Variants in EML6 observed in about 807,000 individuals in gnomAD.
EML6 encodes the protein echinoderm microtubule-associated protein-like 6.
A neutral mutation model predicts 240.1 loss-of-function variants in EML6; 154 were observed. The observed-to-expected ratio is 0.64, with a 90% CI of 0.56 to 0.73. The LOEUF (loss-of-function observed/expected upper bound fraction) is 0.73. Among genes scored for constraint, EML6 ranks in the 30% least tolerant of loss-of-function variants. The probability of loss-of-function intolerance (pLI) is 0.00; values close to 1 mark genes in which losing one functional copy is unlikely to be tolerated. For missense variants in EML6, 2,964 were observed against 2,474.6 expected (o/e 1.20, Z -4.20); for synonymous variants, 1,148 against 899.0 (o/e 1.28, Z -4.95).
chr2:54,865,409 T>G (rs1029962366), intron 13 of EML6, among the ~76,000 whole-genome samples: 1 of 151,800 alleles, frequency 6.6e-6, no homozygotes, highest in Admixed American at 6.6e-5. Context: ...CCCAGGAGAT[T>G]GAGGGCTACA....
chr2:54,834,233 A>T (rs947377016), intron 7 of EML6, among the ~76,000 whole-genome samples: 12 of 152,300 alleles, frequency 7.9e-5, no homozygotes, highest in African/African-American at 2.9e-4. Flanking sequence ...TTGTAAACTG[A>T]AGTCACTCAC....
intron 34 of EML6, among the ~76,000 whole-genome samples, chr2:54,959,833 G>A (rs1053842113): frequency 6.6e-6 from 1 of 152,206 alleles, no homozygotes; most frequent in African/African-American, 2.4e-5. Flanking sequence ...CTTTGCTGTT[G>A]ATAAAACGTT....
At chr2:54,784,239 C>T (rs1449410138) in intron 2 of EML6, among the ~76,000 whole-genome samples, 4 of 152,150 alleles carry the variant, frequency 2.6e-5, no homozygotes, top group Admixed American at 6.5e-5. Context: ...AGCCACTGCA[C>T]CTGGCCTGAA....
At chr2:54,961,183 A>AGTTGTTTTTTTTTTTTTGTTTTTTT (rs760629525) in intron 35 of EML6, among the ~76,000 whole-genome samples, 1 of 7,896 alleles carries the variant, frequency 1.3e-4, no homozygotes, top group Non-Finnish European at 2.3e-4. Flanking sequence ...ATCAGGAAGT[A>AGTTGTTTTTTTTTTTTTGTTTTTTT]GTTTTTTTTT....
chr2:54,922,733 C>T (rs930911755), intron 26 of EML6, among the ~76,000 whole-genome samples: 3 of 151,926 alleles, frequency 2.0e-5, no homozygotes, highest in Non-Finnish European at 4.4e-5. Context: ...AGAAGGAAAT[C>T]CTGTCATTTG....
intron 5 of EML6, among the ~76,000 whole-genome samples, chr2:54,823,878 T>TCTCTCTCTCTCTCTCTCTCTGTCTCTCTC (rs60937620): frequency 1.0e-4 from 13 of 129,196 alleles, no homozygotes; most frequent in Non-Finnish European, 1.9e-4. Flanking sequence ...CTCTCTCTCT[T>TCTCTCTCTCTCTCTCTCTCTGTCTCTCTC]TCTGTCTCTC....
intron 32 of EML6, 82 bp from the exon 33 acceptor site, chr2:54,957,708 G>C: frequency 7.9e-7 from 1 of 1,268,194 alleles, no homozygotes; most frequent in Non-Finnish European, 1.1e-6. Context: ...GCCTGCTGGG[G>C]TGGAGACCTC....
intron 17 of EML6, 75 bp from the exon 18 acceptor site, chr2:54,890,979 C>T: frequency 1.5e-6 from 1 of 683,032 alleles, no homozygotes; most frequent in Non-Finnish European, 2.4e-6. Context: ...AAAATTAGAC[C>T]AAATGCATGC....
intron 31 of EML6, 54 bp downstream of exon 31, chr2:54,952,746 G>A (rs930864743): frequency 2.5e-6 from 3 of 1,218,928 alleles, no homozygotes; most frequent in Non-Finnish European, 3.5e-6. Flanking sequence ...ACGCTGACCT[G>A]TCAGCAATTA....
At chr2:54,869,500 T>C in intron 15 of EML6, 133 bp downstream of exon 15, 1 of 718,974 alleles carries the variant, frequency 1.4e-6, no homozygotes, top group Non-Finnish European at 2.3e-6. Context: ...TGAATGATCA[T>C]TGGATCCTTC....
At chr2:54,964,825 G>T in intron 38 of EML6, 92 bp downstream of exon 38, 1 of 1,211,868 alleles carries the variant, frequency 8.3e-7, no homozygotes, top group Non-Finnish European at 1.2e-6. Flanking sequence ...CTGTGTACCA[G>T]GCAATGTGCT....
At chr2:54,969,998 A>G in intron 41 of EML6, 73 bp from the exon 42 acceptor site, 1 of 1,502,584 alleles carries the variant, frequency 6.7e-7, no homozygotes, top group Non-Finnish European at 9.1e-7. Context: ...GCACTTGGCA[A>G]GATTGTTTTT....
chr2:54,964,728 A>G lies in EML6; in HGVS notation c.5488A>G (p.Ile1830Val). ...GGATTTTTCTGCGGATGGCAAATACATTCAGGTATGCTTGGGGTTTACTTA... is the reference window on the plus strand; with the variant it reads ...GGATTTTTCTGCGGATGGCAAATACGTTCAGGTATGCTTGGGGTTTACTTA... ...QMDFSADGKY[I>V]QVSTGAYKRQ... The change falls in exon 38 of 42, where the codon ATT becomes GTT. Residue 1830 changes from isoleucine (I) to valine (V), a missense_variant. Physicochemically the swap from Ile to Val is conservative, Grantham distance 29. Transcript: ENST00000356458. 6.4e-7 allele frequency: 1 copy of G among 1,551,850 alleles called. No individual in the cohort carries two copies. Among genetic ancestry groups the G allele is most frequent in the Non-Finnish European group, 8.7e-7 (1 of 1,147,024 alleles).
At chr2:54,905,321 GACACACACACACACACACACACACAC>G (rs70944194) in intron 24 of EML6, among the ~76,000 whole-genome samples, 122 of 121,654 alleles carry the variant, frequency 1.0e-3, no homozygotes, top group Middle Eastern at 4.1e-3. Context: ...TTTAGAATCC[GACACACACACACACACACACACACAC>G]ACACACACAC....
chr2:54,843,823 T>C (rs1239107350), intron 7 of EML6, among the ~76,000 whole-genome samples: 7 of 122,514 alleles, frequency 5.7e-5, no homozygotes, highest in Non-Finnish European at 9.6e-5. Flanking sequence ...ATAGTCTGGG[T>C]GACAGAGCAA....
chr2:54,765,077 C>T (rs750261484), intron 2 of EML6, among the ~76,000 whole-genome samples: 11 of 151,918 alleles, frequency 7.2e-5, no homozygotes, highest in Non-Finnish European at 1.3e-4. Flanking sequence ...CCCACTTTCT[C>T]GTAATAATAT....
intron 28 of EML6, among the ~76,000 whole-genome samples, chr2:54,937,609 A>G (rs1277844934): frequency 6.6e-6 from 1 of 151,006 alleles, no homozygotes; most frequent in African/African-American, 2.4e-5. Flanking sequence ...TTAATGCTTA[A>G]ATTATATTGC....
intron 16 of EML6, among the ~76,000 whole-genome samples, chr2:54,875,858 T>C (rs762030910): frequency 1.3e-5 from 2 of 152,206 alleles, no homozygotes; most frequent in Non-Finnish European, 2.9e-5. Context: ...CAGAAGTATT[T>C]TCTAGCCTAA....
At chr2:54,834,503 C>T (rs1669033667) in intron 7 of EML6, among the ~76,000 whole-genome samples, 1 of 152,136 alleles carries the variant, frequency 6.6e-6, no homozygotes, top group South Asian at 2.1e-4. Flanking sequence ...CTTATTTGTC[C>T]ACTCAGTAAA....
Sources: allele counts gnomAD v4.1 joint callset (sites outside exome capture counted in the v4.1 genomes callset), GRCh38; gene constraint gnomAD v4.1.1; transcripts MANE v1.5; gene names NCBI Gene and HGNC (gene_info 2026-07-23, HGNC 2026-07-21).